Variants in CHD7 observed in about 807,000 individuals in gnomAD.
The protein encoded by CHD7 is chromodomain helicase DNA binding protein 7, also known as ATP-dependent chromatin remodeler CHD7.
CHD7 carries 24 observed loss-of-function variants against 307.3 expected under a neutral mutation model. The observed-to-expected ratio is 0.08, with a 90% CI of 0.06 to 0.11. CHD7 has a LOEUF of 0.11. CHD7 is among the 10% of genes least tolerant of loss of function. The probability of loss-of-function intolerance (pLI) is 1.00; values close to 1 mark genes in which losing one functional copy is unlikely to be tolerated. For synonymous variants in CHD7, 1,363 were observed against 1,349.9 expected (o/e 1.01, Z -0.21); for missense variants, 3,106 against 3,727.1 (o/e 0.83, Z 4.34).
intron 1 of CHD7, among the ~76,000 whole-genome samples, chr8:60,695,839 A>G (rs1201856955): frequency 6.6e-6 from 1 of 152,230 alleles, no homozygotes; most frequent in Non-Finnish European, 1.5e-5. Context: ...TTATGCTGCT[A>G]GAATATGGTG....
At chr8:60,755,453 C>T (rs1809846700) in intron 2 of CHD7, among the ~76,000 whole-genome samples, 1 of 151,934 alleles carries the variant, frequency 6.6e-6, no homozygotes, top group South Asian at 2.1e-4. Flanking sequence ...TCTGTCTTTG[C>T]TCAAATTTAA....
intron 34 of CHD7, among the ~76,000 whole-genome samples, chr8:60,857,308 TCTC>T (rs1190863269): frequency 6.6e-6 from 1 of 152,204 alleles, no homozygotes; most frequent in African/African-American, 2.4e-5. Flanking sequence ...GACTGCAAAT[TCTC>T]CTGTCTCCTT....
intron 2 of CHD7, among the ~76,000 whole-genome samples, chr8:60,780,395 A>G (rs937467015): frequency 9.8e-5 from 15 of 152,350 alleles, no homozygotes; most frequent in East Asian, 3.9e-4. Context: ...TTTCATGTCA[A>G]TGCAAGAAAT....
intron 1 of CHD7, among the ~76,000 whole-genome samples, chr8:60,688,699 CCTT>C (rs1216767458): frequency 2.6e-5 from 4 of 152,284 alleles, no homozygotes; most frequent in African/African-American, 9.6e-5. Flanking sequence ...TTATGGCTGT[CCTT>C]CTAGTGAAAC....
At chr8:60,760,821 A>G (rs375429549) in intron 2 of CHD7, among the ~76,000 whole-genome samples, 4 of 151,988 alleles carry the variant, frequency 2.6e-5, no homozygotes, top group Non-Finnish European at 5.9e-5. Flanking sequence ...TTAGAATGGC[A>G]ATCATTAAAA....
At chr8:60,749,276 C>A (rs1809504503) in intron 2 of CHD7, among the ~76,000 whole-genome samples, 1 of 137,500 alleles carries the variant, frequency 7.3e-6, no homozygotes, top group Non-Finnish European at 1.5e-5. Flanking sequence ...GAGGCTGAAG[C>A]AGGAGAATCG....
chr8:60,808,058 C>T (rs1011213672), intron 6 of CHD7, among the ~76,000 whole-genome samples, 159 bp from the exon 7 acceptor site: 2 of 152,228 alleles, frequency 1.3e-5, no homozygotes, highest in Non-Finnish European at 2.9e-5. Context: ...GTCTTCGTGG[C>T]CCTGGCCACC....
At chr8:60,747,788 C>T (rs1405258752) in intron 2 of CHD7, among the ~76,000 whole-genome samples, 1 of 152,222 alleles carries the variant, frequency 6.6e-6, no homozygotes, top group Admixed American at 6.5e-5. Flanking sequence ...CACCGCTTAA[C>T]GTCACCACCT....
intron 1 of CHD7, among the ~76,000 whole-genome samples, chr8:60,734,332 C>G (rs963857796): frequency 3.9e-5 from 6 of 152,160 alleles, no homozygotes; most frequent in Non-Finnish European, 7.3e-5. Context: ...CGTCTCTTAC[C>G]AGCTCCCGGG....
chr8:60,750,365 G>A (rs1809575345), intron 2 of CHD7, among the ~76,000 whole-genome samples: 2 of 152,188 alleles, frequency 1.3e-5, no homozygotes, highest in South Asian at 2.1e-4. Context: ...TGCTGGTATG[G>A]TGGAAGGCAG....
At chr8:60,710,004 T>A (rs1807202624) in intron 1 of CHD7, among the ~76,000 whole-genome samples, 1 of 152,126 alleles carries the variant, frequency 6.6e-6, no homozygotes, top group South Asian at 2.1e-4. Flanking sequence ...AATTTCAGAT[T>A]TTTATTCCCT....
At chr8:60,861,241 T>A (rs1229261783) in intron 35 of CHD7, 116 bp downstream of exon 35, 1 of 759,764 alleles carries the variant, frequency 1.3e-6, no homozygotes, top group African/African-American at 1.8e-5. Flanking sequence ...GAATGTTTCC[T>A]GGTCTCAAAC....
At chr8:60,723,824 A>G (rs1389037106) in intron 1 of CHD7, among the ~76,000 whole-genome samples, 1 of 152,216 alleles carries the variant, frequency 6.6e-6, no homozygotes, top group Non-Finnish European at 1.5e-5. Context: ...TTTCCCAATT[A>G]TATCTAAATA....
chr8:60,846,024 C>T (rs1033326206), intron 23 of CHD7, among the ~76,000 whole-genome samples: 5 of 152,164 alleles, frequency 3.3e-5, no homozygotes, highest in Admixed American at 2.0e-4. Context: ...ATTTGTGTTA[C>T]GGTGTCAGAA....
At chr8:60,700,947 A>C (rs1806730389) in intron 1 of CHD7, among the ~76,000 whole-genome samples, 1 of 152,238 alleles carries the variant, frequency 6.6e-6, no homozygotes, top group Admixed American at 6.5e-5. Context: ...CTCACAGAGC[A>C]CAGGCTGCTC....
intron 1 of CHD7, among the ~76,000 whole-genome samples, chr8:60,727,712 G>A (rs1481947504): frequency 6.6e-6 from 1 of 152,070 alleles, no homozygotes; most frequent in African/African-American, 2.4e-5. Flanking sequence ...CTGCAACTTT[G>A]TCTTCCTTCT....
intron 1 of CHD7, among the ~76,000 whole-genome samples, chr8:60,703,578 T>C (rs932978210): frequency 6.6e-6 from 1 of 152,058 alleles, no homozygotes; most frequent in Non-Finnish European, 1.5e-5. Flanking sequence ...CATGAAACGC[T>C]CCCATTTTGT....
chr8:60,845,237 A>G lies in CHD7; in HGVS notation c.5051-13A>G. The G allele has an allele frequency of 1.2e-6, 2 of 1,602,334 alleles. No individual in the cohort carries two copies. Among genetic ancestry groups the G allele is most frequent in the Non-Finnish European group, 1.7e-6 (2 of 1,172,664 alleles). ...GTAAAAGGCTTCTATTATTATTATG[A>G]TGGTGATTCTAGGTTTGTCAGCTCC... On this transcript the variant is annotated splice_polypyrimidine_tract_variant and intron_variant, in intron 22 of 37. Transcript: ENST00000423902.
chr8:60,798,430 A>G (rs904841441), intron 4 of CHD7, among the ~76,000 whole-genome samples: 1 of 152,196 alleles, frequency 6.6e-6, no homozygotes, highest in African/African-American at 2.4e-5. Flanking sequence ...CTAACTATCT[A>G]TTTGATGGTC....
Sources: gnomAD v4.1 joint callset for allele counts (sites outside exome capture counted in the v4.1 genomes callset) on GRCh38, gnomAD v4.1.1 for gene constraint, MANE v1.5 for transcripts, NCBI Gene and HGNC (gene_info 2026-07-23, HGNC 2026-07-21) for gene names.